SRBD1: variants seen among roughly 807,000 people sequenced by gnomAD.
SRBD1 encodes the protein S1 RNA binding domain 1, also known as S1 RNA-binding domain-containing protein 1.
SRBD1 carries 88 observed loss-of-function variants against 115.3 expected under a neutral mutation model. The ratio of observed to expected loss-of-function variants is 0.76; its 90% confidence interval spans 0.64 to 0.91. The LOEUF (loss-of-function observed/expected upper bound fraction) is 0.91. SRBD1 is among the 40% of genes least tolerant of loss of function. The pLI, the probability that SRBD1 is intolerant of heterozygous loss-of-function variation, is 0.00. For missense variants in SRBD1, 1,385 were observed against 1,177.4 expected, an observed-to-expected ratio of 1.18 and a Z score of -2.58; for synonymous variants, 509 against 407.7, an observed-to-expected ratio of 1.25 and a Z score of -2.99.
chr2:45,467,192 C>T (rs1327807479), intron 16 of SRBD1, among the ~76,000 whole-genome samples: 1 of 152,166 alleles, frequency 6.6e-6, no homozygotes, highest in Non-Finnish European at 1.5e-5. Context: ...ACTGTATTTT[C>T]AGAACTAGTG....
chr2:45,477,734 C>A (rs531457265), intron 15 of SRBD1, among the ~76,000 whole-genome samples: 58 of 152,210 alleles, frequency 3.8e-4, no homozygotes, highest in African/African-American at 1.3e-3. Context: ...CTTAATGCAA[C>A]CAGAGATCAA....
At chr2:45,405,916 A>C (rs1377884169) in intron 19 of SRBD1, among the ~76,000 whole-genome samples, 4 of 152,130 alleles carry the variant, frequency 2.6e-5, no homozygotes, top group Non-Finnish European at 5.9e-5. Flanking sequence ...AGAAGGTCTA[A>C]GGGAAAGTAA....
chr2:45,564,160 A>C (rs919599953), intron 9 of SRBD1, among the ~76,000 whole-genome samples: 2 of 152,212 alleles, frequency 1.3e-5, no homozygotes, highest in African/African-American at 4.8e-5. Flanking sequence ...CAATTAACCT[A>C]ACACATTATA....
At chr2:45,522,189 A>ATT (rs113047819) in intron 14 of SRBD1, among the ~76,000 whole-genome samples, 4 of 147,740 alleles carry the variant, frequency 2.7e-5, no homozygotes, top group African/African-American at 7.4e-5. Context: ...AAAATCTGAA[A>ATT]TTTTTTTTTT....
At chr2:45,608,843 G>A (rs1354415136) in intron 1 of SRBD1, among the ~76,000 whole-genome samples, 2 of 148,832 alleles carry the variant, frequency 1.3e-5, no homozygotes, top group South Asian at 2.1e-4. Context: ...TTTTTGAGAC[G>A]GTCTCACTCT....
At chr2:45,478,480 G>A (rs1051973830) in intron 15 of SRBD1, among the ~76,000 whole-genome samples, 1 of 152,172 alleles carries the variant, frequency 6.6e-6, no homozygotes, top group Non-Finnish European at 1.5e-5. Flanking sequence ...AGAACGCTGA[G>A]CTGGCGTTAC....
Position 45,558,304 on chromosome 2 carries a change from A to C in SRBD1, c.1409+4349T>G, listed in dbSNP as rs1375591986. Reference sequence around the variant, plus strand: ...ACATAGTGAGATAATGTCTCTAAAAAGAAGTTTTCTTAATTTTTTAAAAAA... The same window carrying C: ...ACATAGTGAGATAATGTCTCTAAAACGAAGTTTTCTTAATTTTTTAAAAAA... On this transcript the variant is annotated intron_variant, in intron 10 of 20. Coordinates refer to ENST00000263736, the MANE Select transcript of SRBD1 (RefSeq NM_018079.5). Among the ~76,000 whole-genome samples the C allele has an allele frequency of 3.3e-5, 5 of 152,186 alleles. No individual in the cohort carries two copies. The East Asian group carries it at 9.6e-4, about 29-fold the overall frequency.
In SRBD1 at chr2:45,547,595, C is replaced by T. The variant is rs943304743; in HGVS notation, c.1693G>A (p.Asp565Asn). 3.1e-6 allele frequency: 5 copies of T among 1,613,302 alleles called. No homozygotes were observed. Among genetic ancestry groups the T allele is most frequent in the Non-Finnish European group, 4.2e-6 (5 of 1,179,600 alleles). ...ISPTSQILHT[D>N]VVYLHCGQGF... ...TGTCCACAATGCAAGTAAACCACAT[C>T]AGTATGAAGTATCTGACCTTTAAAA... The change falls in exon 13 of 21, where the codon GAT (aspartate) becomes AAT (asparagine). Residue 565 changes from aspartate (D) to asparagine (N), a missense_variant. Coordinates refer to ENST00000263736, the MANE Select transcript of SRBD1 (RefSeq NM_018079.5).
chr2:45,464,313 A>T (rs554733561), intron 16 of SRBD1, among the ~76,000 whole-genome samples: 1 of 152,314 alleles, frequency 6.6e-6, no homozygotes, highest in East Asian at 1.9e-4. Flanking sequence ...CCAAGTCAAA[A>T]GAGAACAGAA....
At chr2:45,440,822 G>C (rs1022319635) in intron 16 of SRBD1, among the ~76,000 whole-genome samples, 1 of 152,152 alleles carries the variant, frequency 6.6e-6, no homozygotes, top group African/African-American at 2.4e-5. Context: ...CAGAAATAGA[G>C]GGAAGGAGGG....
chr2:45,471,674 T>C (rs1669653101), intron 16 of SRBD1, among the ~76,000 whole-genome samples: 1 of 152,168 alleles, frequency 6.6e-6, no homozygotes, highest in Admixed American at 6.5e-5. Flanking sequence ...GCACAGATAT[T>C]TTCATCTTAT....
chr2:45,603,154 C>G (rs17033909), intron 2 of SRBD1, among the ~76,000 whole-genome samples: 1,607 of 152,274 alleles, frequency 0.011, 23 homozygotes, highest in African/African-American at 0.037. Flanking sequence ...ACCTATCAAC[C>G]AGGATTACTG....
At chr2:45,592,958 C>T (rs922129538) in intron 4 of SRBD1, among the ~76,000 whole-genome samples, 1 of 152,148 alleles carries the variant, frequency 6.6e-6, no homozygotes, top group African/African-American at 2.4e-5. Flanking sequence ...GAGCTAAAAA[C>T]AGAGAACAAG....
At chr2:45,574,050 G>GT (rs1337297867) in intron 8 of SRBD1, among the ~76,000 whole-genome samples, 4 of 151,962 alleles carry the variant, frequency 2.6e-5, no homozygotes, top group Non-Finnish European at 4.4e-5. Flanking sequence ...TAATTAATGT[G>GT]TTTTTTTAAT....
At chr2:45,416,466 G>A (rs1011487695) in intron 18 of SRBD1, among the ~76,000 whole-genome samples, 5 of 152,072 alleles carry the variant, frequency 3.3e-5, no homozygotes, top group African/African-American at 1.2e-4. Flanking sequence ...ACACTGATTA[G>A]ACTAAATTAC....
At chr2:45,559,830 C>A (rs1672603406) in intron 10 of SRBD1, among the ~76,000 whole-genome samples, 1 of 152,102 alleles carries the variant, frequency 6.6e-6, no homozygotes, top group Admixed American at 6.5e-5. Context: ...TGGTTCATCC[C>A]AGTACTTTGG....
At chr2:45,430,082 G>GATACTAGAAATACAAATACA (rs1668285438) in intron 16 of SRBD1, among the ~76,000 whole-genome samples, 3 of 152,086 alleles carry the variant, frequency 2.0e-5, no homozygotes, top group Non-Finnish European at 4.4e-5. Flanking sequence ...ACTTACAAGG[G>GATACTAGAAATACAAATACA]ATGTGAAGGA....
chr2:45,545,283 TAAAAAAAAA>T (rs56909656), intron 14 of SRBD1, among the ~76,000 whole-genome samples: 728 of 68,592 alleles, frequency 0.011, 12 homozygotes, highest in South Asian at 0.024. Flanking sequence ...CTGTCTCAAT[TAAAAAAAAA>T]AAAAAAAAAA....
intron 14 of SRBD1, among the ~76,000 whole-genome samples, chr2:45,521,774 C>T (rs977788980): frequency 6.6e-6 from 1 of 152,024 alleles, no homozygotes; most frequent in Non-Finnish European, 1.5e-5. Flanking sequence ...CTACACTAGC[C>T]TGGGCAACAT....
Sources: allele counts gnomAD v4.1 joint callset (sites outside exome capture counted in the v4.1 genomes callset), GRCh38; gene constraint gnomAD v4.1.1; transcripts MANE v1.5; gene names NCBI Gene and HGNC (gene_info 2026-07-23, HGNC 2026-07-21).